TGFB1: variants seen among roughly 807,000 people sequenced by gnomAD.
TGFB1 encodes the protein transforming growth factor beta-1 proprotein.
Under a neutral mutation model 43.8 loss-of-function variants are expected in TGFB1, and 19 were observed. The observed-to-expected ratio is 0.43, with a 90% CI of 0.30 to 0.64. The LOEUF (loss-of-function observed/expected upper bound fraction) is 0.64. Ranked by LOEUF, TGFB1 falls within the 30% of genes least tolerant of loss-of-function variation. The probability of loss-of-function intolerance (pLI) is 0.11; values close to 1 mark genes in which losing one functional copy is unlikely to be tolerated. For missense variants in TGFB1, 445 were observed against 529.8 expected, an observed-to-expected ratio of 0.84 and a Z score of 1.57; for synonymous variants, 221 against 236.3, an observed-to-expected ratio of 0.94 and a Z score of 0.60.
At chr19:41,340,251 C>CTTTT (rs3061188) in intron 5 of TGFB1, among the ~76,000 whole-genome samples, 93 of 125,130 alleles carry the variant, frequency 7.4e-4, no homozygotes, top group African/African-American at 1.0e-3. Context: ...CACTTTCTTT[C>CTTTT]TTTTTTTTTT....
At chr19:41,336,596 C>T (rs2037991348) in intron 5 of TGFB1, among the ~76,000 whole-genome samples, 1 of 151,552 alleles carries the variant, frequency 6.6e-6, no homozygotes, top group Non-Finnish European at 1.5e-5. Flanking sequence ...CACCATATTG[C>T]CCAGGCTGGT....
At position 41,344,730 on chromosome 19, in the gene TGFB1, A is replaced by C. The variant is rs1189079950; in HGVS notation, c.634+17T>G. ...CCCCAGGGAGAAACAGGGGTGGGAC[A>C]CACAAGTAATCCTCACCTCCACGGC... On this transcript the variant is annotated intron_variant, in intron 3 of 6. Coordinates refer to ENST00000221930, the MANE Select transcript of TGFB1 (RefSeq NM_000660.7). The C allele has an allele frequency of 6.2e-7, 1 of 1,609,432 alleles. No homozygotes were observed.
At chr19:41,341,358 T>TC (rs1456907877) in intron 5 of TGFB1, among the ~76,000 whole-genome samples, 1 of 148,244 alleles carries the variant, frequency 6.7e-6, no homozygotes, top group Non-Finnish European at 1.5e-5. Flanking sequence ...TCCTAGCTAC[T>TC]CGGGAGGCTG....
intron 5 of TGFB1, among the ~76,000 whole-genome samples, chr19:41,336,842 C>CA (rs780756051): frequency 1.3e-5 from 2 of 152,018 alleles, no homozygotes; most frequent in South Asian, 4.1e-4. Flanking sequence ...AATATCTAGA[C>CA]AGAGTTCACA....
Position 41,330,493 on chromosome 19 carries a change from C to T in TGFB1, c.*559G>A, listed in dbSNP as rs761669312. 2.0e-5 allele frequency: 3 copies of T among 152,338 alleles called. No individual in the cohort carries two copies. The highest frequency in any genetic ancestry group is 6.5e-5 in the Admixed American group (1 of 15,272). 9.4% of individuals were successfully genotyped at this position (152,338 alleles called of 1,614,324 possible). A position where few individuals can be genotyped will look rare whatever the true frequency, so the allele number is the denominator to read the frequency against. ...AAGTAATCCTCCCATCTCTGCCTCC[C>T]AAAAGTGCTAGGATTACAGGCGTGA... is the stretch of plus-strand genomic sequence containing the variant. On this transcript the variant is annotated 3_prime_UTR_variant, in exon 7 of 7. Transcript: ENST00000221930.
chr19:41,341,493 G>GAAAAAAAAAA (rs2038055242), intron 5 of TGFB1, among the ~76,000 whole-genome samples: 1 of 79,386 alleles, frequency 1.3e-5, no homozygotes, highest in African/African-American at 4.4e-5. Flanking sequence ...AAAAAAAAAG[G>GAAAAAAAAAA]AACCTGATCC....
chr19:41,353,136 G>A lies in TGFB1; in HGVS notation c.-92C>T, dbSNP rs2038236090. The A allele has an allele frequency of 2.8e-6, 4 of 1,406,646 alleles. No individual in the cohort carries two copies. In the South Asian group the frequency reaches 4.6e-5, roughly 16 times the overall value. The allele number at this position is 1,406,646 out of a possible 1,614,324, so 87.1% of individuals were successfully genotyped here. On this transcript the variant is annotated 5_prime_UTR_variant, in exon 1 of 7. Coordinates refer to ENST00000221930, the MANE Select transcript of TGFB1 (RefSeq NM_000660.7). The surrounding 1 kb of genome is among the most constrained non-coding windows in gnomAD (Gnocchi z 5.9). ...CCCCTGCAGGGGCTGGGGGTCTCCC[G>A]GCAAAAGGTAGGAGGGCCTCGAGGG... is the stretch of plus-strand genomic sequence containing the variant.
intron 5 of TGFB1, among the ~76,000 whole-genome samples, chr19:41,337,796 A>C (rs988130965): frequency 1.3e-5 from 2 of 152,194 alleles, no homozygotes; most frequent in Admixed American, 1.3e-4. Context: ...CTCAACATGA[A>C]GACCTTTATG....
At chr19:41,341,493 G>GAAAAAAAA (rs2038055242) in intron 5 of TGFB1, among the ~76,000 whole-genome samples, 9 of 79,380 alleles carry the variant, frequency 1.1e-4, no homozygotes, top group East Asian at 5.1e-4. Context: ...AAAAAAAAAG[G>GAAAAAAAA]AACCTGATCC....
chr19:41,339,573 C>T (rs1456296424), intron 5 of TGFB1, among the ~76,000 whole-genome samples: 2 of 151,948 alleles, frequency 1.3e-5, no homozygotes, highest in Non-Finnish European at 2.9e-5. Context: ...GCCTGTAATC[C>T]CAGCACTTTG....
chr19:41,346,687 G>C (rs1328249392), intron 2 of TGFB1, among the ~76,000 whole-genome samples: 1 of 152,152 alleles, frequency 6.6e-6, no homozygotes, highest in Admixed American at 6.6e-5. Flanking sequence ...TGTGACTATA[G>C]AGTACTAGAA....
chr19:41,338,136 G>A (rs1375901573), intron 5 of TGFB1, among the ~76,000 whole-genome samples: 1 of 151,804 alleles, frequency 6.6e-6, no homozygotes, highest in Non-Finnish European at 1.5e-5. Context: ...AGGTTGCAGT[G>A]AGCTGAGATC....
In TGFB1 at chr19:41,353,004, G is replaced by GGTA. The variant is rs1314905627; in HGVS notation, c.38_40dup (p.Leu13dup). On this transcript the variant is annotated inframe_insertion, in exon 1 of 7. Coordinates refer to ENST00000221930, the MANE Select transcript of TGFB1 (RefSeq NM_000660.7). The surrounding 1 kb of genome is among the most constrained non-coding windows in gnomAD (Gnocchi z 5.9). ...CGTCAGCACCAGTAGCCACAGCAGC[G>GGTA]GTAGCAGCAGCGGCAGCAGCCGCAG... 6.5e-7 allele frequency: 1 copy of GGTA among 1,535,864 alleles called. No individual in the cohort carries two copies. The highest frequency in any genetic ancestry group is 8.7e-7 in the Non-Finnish European group (1 of 1,144,922).
At position 41,330,828 on chromosome 19, in the gene TGFB1, C is replaced by CAGAGAGGGAG. The variant is rs1418322558; in HGVS notation, c.*214_*223dup. The CAGAGAGGGAG allele has an allele frequency of 9.7e-6, 5 of 513,758 alleles. No individual in the cohort carries two copies. The highest frequency in any genetic ancestry group is 1.0e-5 in the Non-Finnish European group (3 of 289,850). The allele number at this position is 513,758 out of a possible 1,614,324, so 31.8% of individuals were successfully genotyped here. ...AATAGTGCAGACAGGCAGGAGGAGGCAGAGAGGGAGAGAGAGGGAGTGGGA... is the reference window on the plus strand; with the variant it reads ...AATAGTGCAGACAGGCAGGAGGAGGCAGAGAGGGAGAGAGAGGGAGAGAGAGGGAGTGGGA... On this transcript the variant is annotated 3_prime_UTR_variant, in exon 7 of 7. Coordinates refer to ENST00000221930, the MANE Select transcript of TGFB1 (RefSeq NM_000660.7).
chr19:41,340,135 C>T (rs1285351293), intron 5 of TGFB1, among the ~76,000 whole-genome samples: 1 of 152,094 alleles, frequency 6.6e-6, no homozygotes, highest in Non-Finnish European at 1.5e-5. Flanking sequence ...TCTAGGATTC[C>T]CCCTTTCCAA....
intron 3 of TGFB1, among the ~76,000 whole-genome samples, chr19:41,342,494 C>T (rs1052930981): frequency 6.7e-6 from 1 of 148,448 alleles, no homozygotes; most frequent in African/African-American, 2.5e-5. Context: ...GGACCACAGG[C>T]GCGTGCTACC....
chr19:41,331,566 CTTTTTTTTTTT>C (rs3061187), intron 6 of TGFB1, among the ~76,000 whole-genome samples: 4 of 77,442 alleles, frequency 5.2e-5, no homozygotes, highest in South Asian at 4.7e-4. Flanking sequence ...CCACTCCTAG[CTTTTTTTTTTT>C]TTTTTTTTTT....
At chr19:41,342,390 CTTTTTTTTTTTT>C in intron 3 of TGFB1, 143 bp from the exon 4 acceptor site, 1 of 430,264 alleles carries the variant, frequency 2.3e-6, no homozygotes, top group East Asian at 4.1e-5. Flanking sequence ...GCAGCTCTCT[CTTTTTTTTTTTT>C]TTTTTTTTTT....
intron 5 of TGFB1, among the ~76,000 whole-genome samples, chr19:41,337,570 C>A (rs1039743316): frequency 6.6e-6 from 1 of 152,154 alleles, no homozygotes; most frequent in African/African-American, 2.4e-5. Flanking sequence ...AGCTACCATA[C>A]CTGGCCTCTC....
Sources: allele counts gnomAD v4.1 joint callset (sites outside exome capture counted in the v4.1 genomes callset), GRCh38; gene constraint gnomAD v4.1.1; non-coding constraint Gnocchi (gnomAD v3.1); transcripts MANE v1.5; gene names NCBI Gene and HGNC (gene_info 2026-07-23, HGNC 2026-07-21).